The following ITGA1 variants were observed in gnomAD, a reference collection of about 807,000 sequenced individuals.
ITGA1 encodes the protein integrin subunit alpha 1, also known as integrin alpha-1.
A neutral mutation model predicts 145.9 loss-of-function variants in ITGA1; 85 were observed. That is an observed-to-expected ratio of 0.58 (90% CI 0.49 to 0.70). ITGA1 has a LOEUF of 0.70. Ranked by LOEUF, ITGA1 falls within the 30% of genes least tolerant of loss-of-function variation. The probability of loss-of-function intolerance (pLI) is 0.00; values close to 1 mark genes in which losing one functional copy is unlikely to be tolerated. For synonymous variants in ITGA1, 520 were observed against 495.3 expected (o/e 1.05, Z -0.66); for missense variants, 1,351 against 1,418.7 (o/e 0.95, Z 0.77).
Position 52,841,367 on chromosome 5 carries a change from A to C in ITGA1, c.62-7998A>C, listed in dbSNP as rs372970388. On this transcript the variant is annotated intron_variant, in intron 1 of 28. Transcript: ENST00000282588. ...CTGTACTCATTGGCCAAGGCCCTAT[A>C]ATTATTTGTCATATTTTAATTCTCT... Among the ~76,000 whole-genome samples, 190 of 152,252 alleles carry C rather than the reference A, an allele frequency of 1.2e-3. 2 individuals carry two copies. In the South Asian group the frequency reaches 0.017, roughly 13 times the overall value.
intron 1 of ITGA1, among the ~76,000 whole-genome samples, chr5:52,817,746 C>T (rs368693985): frequency 2.6e-5 from 4 of 152,160 alleles, no homozygotes; most frequent in African/African-American, 9.7e-5. Context: ...TAAGATAGTA[C>T]AGACTTATAA....
At position 52,910,264 on chromosome 5, in the gene ITGA1, G is replaced by A. The variant is rs754569096; in HGVS notation, c.1702G>A (p.Gly568Arg). The A allele has an allele frequency of 4.3e-6, 7 of 1,613,798 alleles. No homozygotes were observed. Among genetic ancestry groups the A allele is most frequent in the African/African-American group, 2.7e-5 (2 of 74,870 alleles). Reference protein sequence around the residue: ...CTTENKNEPCGARFGTAIAAV... With the variant: ...CTTENKNEPCRARFGTAIAAV... ...AACAGAAAACAAAAATGAGCCATGC[G>A]GGGCTCGTTTTGGAACTGCAATTGC... Residue 568 changes from glycine to arginine, a missense_variant, in exon 14 of 29, where the codon GGG becomes AGG. Coordinates refer to ENST00000282588, the MANE Select transcript of ITGA1 (RefSeq NM_181501.2).
intron 2 of ITGA1, among the ~76,000 whole-genome samples, chr5:52,854,520 A>G (rs905028676): frequency 2.6e-5 from 4 of 152,158 alleles, no homozygotes; most frequent in Non-Finnish European, 5.9e-5. Flanking sequence ...AGATGAAAAA[A>G]TGCTTATTCC....
Position 52,947,419 on chromosome 5 carries a change from C to T in ITGA1, c.3453C>T (p.Ala1151=), listed in dbSNP as rs750749095. The T allele has an allele frequency of 3.2e-5, 52 of 1,613,404 alleles. No homozygotes were observed. Among genetic ancestry groups the T allele is most frequent in the South Asian group, 4.4e-5 (4 of 91,050 alleles). ...GGGTCATCCTGCTGAGTGCTTTTGC[C>T]GGATTGTTGCTGTTAATGCTGCTCA... is the stretch of plus-strand genomic sequence containing the variant. ...PLWVILLSAF[A]GLLLLMLLIL... Residue 1151 remains alanine, a synonymous_variant, in exon 28 of 29, where the codon GCC becomes GCT. Transcript: ENST00000282588.
At position 52,887,837 on chromosome 5, in the gene ITGA1, C is replaced by G. The variant is rs755107293; in HGVS notation, c.796C>G (p.Arg266Gly). The change falls in exon 8 of 29, where the codon CGG (arginine) becomes GGG (glycine). Residue 266 changes from arginine to glycine, a missense_variant. Arg to Gly is a moderately radical substitution (Grantham distance 125). Coordinates refer to ENST00000282588, the MANE Select transcript of ITGA1 (RefSeq NM_181501.2). ...TARKEAFTEA[R>G]GARRGVKKVM... ...TAGAAAGGAGGCATTCACGGAAGCC[C>G]GGGGTGCCCGAAGAGGAGTTAAAAA... The G allele has an allele frequency of 6.2e-7, 1 of 1,613,070 alleles. No homozygotes were observed. The highest frequency in any genetic ancestry group is 8.5e-7 in the Non-Finnish European group (1 of 1,179,332).
At chr5:52,909,197 C>A (rs919426052) in intron 13 of ITGA1, among the ~76,000 whole-genome samples, 156 bp downstream of exon 13, 1 of 152,020 alleles carries the variant, frequency 6.6e-6, no homozygotes, top group East Asian at 1.9e-4. Flanking sequence ...TTGAAATGAC[C>A]ATTTATAATT....
At chr5:52,951,609 G>T (rs1451876733) in intron 28 of ITGA1, among the ~76,000 whole-genome samples, 1 of 152,060 alleles carries the variant, frequency 6.6e-6, no homozygotes, top group African/African-American at 2.4e-5. Flanking sequence ...CAGACGTCCT[G>T]ATGCATTTAA....
At chr5:52,845,505 G>A (rs934154736) in intron 1 of ITGA1, among the ~76,000 whole-genome samples, 1 of 152,162 alleles carries the variant, frequency 6.6e-6, no homozygotes, top group Non-Finnish European at 1.5e-5. Context: ...TGATACAGAT[G>A]CTGCTGGTTT....
Position 52,952,410 on chromosome 5 carries a change from G to A in ITGA1, c.3499G>A (p.Gly1167Arg). The A allele has an allele frequency of 1.4e-6, 2 of 1,416,426 alleles. No homozygotes were observed. Among genetic ancestry groups the A allele is most frequent in the Non-Finnish European group, 1.9e-6 (2 of 1,039,506 alleles). The allele number at this position is 1,416,426 out of a possible 1,614,324, so 87.7% of individuals were successfully genotyped here. ...ATGTTTTGTGTTTTCTCAACAGATT[G>A]GATTCTTCAAAAGACCACTGAAAAA... ...MLLILALWKI[G>R]FFKRPLKKKM... The change falls in exon 29 of 29, where the codon GGA becomes AGA. Residue 1167 changes from glycine to arginine, a missense_variant. By Grantham distance (125) the Gly-to-Arg change is moderately radical. Coordinates refer to ENST00000282588, the MANE Select transcript of ITGA1 (RefSeq NM_181501.2).
At chr5:52,884,149 AAGTC>A in intron 7 of ITGA1, among the ~76,000 whole-genome samples, 1 of 152,304 alleles carries the variant, frequency 6.6e-6, no homozygotes, top group South Asian at 2.1e-4. Flanking sequence ...ATACTTTAAA[AAGTC>A]AGAAAATCGG....
At chr5:52,799,729 CAT>C (rs1748416450) in intron 1 of ITGA1, among the ~76,000 whole-genome samples, 2 of 152,218 alleles carry the variant, frequency 1.3e-5, no homozygotes, top group Admixed American at 1.3e-4. Flanking sequence ...CAAAAACGAG[CAT>C]AGTTTGGGCC....
intron 6 of ITGA1, among the ~76,000 whole-genome samples, chr5:52,871,320 AT>A (rs1267751382): frequency 6.6e-6 from 1 of 152,226 alleles, no homozygotes; most frequent in African/African-American, 2.4e-5. Context: ...AAAACTAAGA[AT>A]AAAAAAAAGT....
intron 1 of ITGA1, among the ~76,000 whole-genome samples, chr5:52,813,760 C>A (rs1409782678): frequency 6.6e-6 from 1 of 152,220 alleles, no homozygotes; most frequent in Non-Finnish European, 1.5e-5. Context: ...ATGCCTACAT[C>A]TCCTCCTCTC....
In ITGA1 at chr5:52,955,649, C is replaced by G. The variant is rs371232874; in HGVS notation, c.*3198C>G. 1 of 151,148 alleles carries G rather than the reference C, an allele frequency of 6.6e-6. No individual in the cohort carries two copies. Among genetic ancestry groups the G allele is most frequent in the Non-Finnish European group, 1.5e-5 (1 of 67,298 alleles). The allele number at this position is 151,148 out of a possible 1,614,324, so 9.4% of individuals were successfully genotyped here. A position where few individuals can be genotyped will look rare whatever the true frequency, so the allele number is the denominator to read the frequency against. On this transcript the variant is annotated 3_prime_UTR_variant, in exon 29 of 29. Transcript: ENST00000282588. ...ATCCACAGTGAAAATCAGACCTACA[C>G]AAGCCACAAAAAAATTGTCTCATTT...
intron 1 of ITGA1, among the ~76,000 whole-genome samples, chr5:52,810,847 A>G (rs891420690): frequency 1.3e-5 from 2 of 152,204 alleles, no homozygotes; most frequent in Non-Finnish European, 2.9e-5. Flanking sequence ...AGGTCAGAGT[A>G]AAATATAATG....
chr5:52,809,652 C>G (rs557228086), intron 1 of ITGA1, among the ~76,000 whole-genome samples: 2 of 151,828 alleles, frequency 1.3e-5, no homozygotes, highest in African/African-American at 4.8e-5. Flanking sequence ...ATTACAGGTG[C>G]GTGCCACCAC....
chr5:52,907,867 T>C (rs961683114), intron 12 of ITGA1, among the ~76,000 whole-genome samples: 2 of 152,152 alleles, frequency 1.3e-5, no homozygotes, highest in South Asian at 4.1e-4. Context: ...TTAATTCAAC[T>C]TTTAAAAAAA....
chr5:52,912,402 T>C (rs1285990336), intron 14 of ITGA1, among the ~76,000 whole-genome samples: 1 of 145,516 alleles, frequency 6.9e-6, no homozygotes, highest in South Asian at 2.2e-4. Context: ...ATCCAGTGTA[T>C]GTATTATATA....
chr5:52,912,044 T>C (rs1479042223), intron 14 of ITGA1, among the ~76,000 whole-genome samples: 1 of 140,510 alleles, frequency 7.1e-6, no homozygotes, highest in Non-Finnish European at 1.5e-5. Flanking sequence ...CTATATATAC[T>C]ATATATGGTG....
Sources: allele counts gnomAD v4.1 joint callset (sites outside exome capture counted in the v4.1 genomes callset), GRCh38; gene constraint gnomAD v4.1.1; transcripts MANE v1.5; gene names NCBI Gene and HGNC (gene_info 2026-07-23, HGNC 2026-07-21).